Variants in TTLL11 observed in about 807,000 individuals in gnomAD.
The protein encoded by TTLL11 is tubulin tyrosine ligase like 11, also known as tubulin polyglutamylase TTLL11.
In TTLL11, 42 loss-of-function variants were observed where a neutral mutation model predicts 51.7. The ratio of observed to expected loss-of-function variants is 0.81; its 90% CI spans 0.64 to 1.05. The LOEUF (loss-of-function observed/expected upper bound fraction) is 1.05. TTLL11 is among the 50% of genes least tolerant of loss of function. The probability of loss-of-function intolerance (pLI) is 0.00; values close to 1 mark genes in which losing one functional copy is unlikely to be tolerated. For missense variants in TTLL11, 799 were observed against 940.4 expected, an observed-to-expected ratio of 0.85 and a Z score of 1.97; for synonymous variants, 381 against 383.5, an observed-to-expected ratio of 0.99 and a Z score of 0.08.
chr9:121,998,400 C>T (rs1230819021), intron 3 of TTLL11, among the ~76,000 whole-genome samples: 1 of 152,098 alleles, frequency 6.6e-6, no homozygotes, highest in Non-Finnish European at 1.5e-5. Flanking sequence ...GATTCTCGTG[C>T]CTCAGCCTCC....
intron 1 of TTLL11, among the ~76,000 whole-genome samples, chr9:122,044,572 C>G (rs1040697232): frequency 6.6e-6 from 1 of 152,138 alleles, no homozygotes; most frequent in Non-Finnish European, 1.5e-5. Context: ...GAGATGGTAT[C>G]GCATTGTGGT....
intron 6 of TTLL11, among the ~76,000 whole-genome samples, chr9:121,958,828 G>A (rs1842111209): frequency 1.3e-5 from 2 of 152,176 alleles, no homozygotes; most frequent in African/African-American, 4.8e-5. Context: ...CCCTGCACAG[G>A]TGTATGGGGA....
chr9:122,089,189 C>T (rs1339170262), intron 1 of TTLL11, among the ~76,000 whole-genome samples: 1 of 152,102 alleles, frequency 6.6e-6, no homozygotes, highest in East Asian at 1.9e-4. Context: ...GGTTGGTGTT[C>T]ATGACCTTAT....
intron 6 of TTLL11, among the ~76,000 whole-genome samples, chr9:121,886,167 G>A (rs144240611): frequency 0.021 from 3,239 of 152,244 alleles, 50 homozygotes; most frequent in Middle Eastern, 0.034. Flanking sequence ...GACCAGCCTG[G>A]GTTCCGTGCC....
chr9:121,849,986 A>G (rs1016442929), intron 8 of TTLL11, among the ~76,000 whole-genome samples: 1 of 152,222 alleles, frequency 6.6e-6, no homozygotes, highest in African/African-American at 2.4e-5. Context: ...TAGATTACTT[A>G]TAATACCTAA....
chr9:121,998,532 C>A (rs768314921), intron 3 of TTLL11, among the ~76,000 whole-genome samples: 1 of 151,652 alleles, frequency 6.6e-6, no homozygotes, highest in Non-Finnish European at 1.5e-5. Context: ...GTGATCCACC[C>A]GCCTCGACCT....
At chr9:121,825,013 G>A (rs1037313831) in intron 8 of TTLL11, among the ~76,000 whole-genome samples, 1 of 152,198 alleles carries the variant, frequency 6.6e-6, no homozygotes, top group African/African-American at 2.4e-5. Context: ...CTACAAGGGC[G>A]CTGCTCTGTT....
At chr9:121,879,997 AAAAG>A (rs1248656714) in intron 6 of TTLL11, among the ~76,000 whole-genome samples, 1 of 152,154 alleles carries the variant, frequency 6.6e-6, no homozygotes, top group Non-Finnish European at 1.5e-5. Flanking sequence ...AAAAGAAAGA[AAAAG>A]AAGAAAAAAA....
At chr9:121,968,536 T>C (rs62574005) in intron 6 of TTLL11, among the ~76,000 whole-genome samples, 2,204 of 152,336 alleles carry the variant, frequency 0.014, 28 homozygotes, top group Non-Finnish European at 0.025. Flanking sequence ...TTTTCTTTCA[T>C]GTCCAGTAGA....
Position 121,989,980 on chromosome 9 carries a change from G to A in TTLL11, c.694-210C>T, listed in dbSNP as rs936973293. Among the ~76,000 whole-genome samples the A allele has an allele frequency of 2.6e-5, 4 of 152,202 alleles. No individual in the cohort carries two copies. Among genetic ancestry groups the A allele is most frequent in the Admixed American group, 1.3e-4 (2 of 15,280 alleles). On this transcript the variant is annotated intron_variant, in intron 3 of 8. Coordinates refer to ENST00000321582, the MANE Select transcript of TTLL11 (RefSeq NM_001139442.2). This position sits in a 1 kb window ranked among gnomAD's most constrained non-coding sequence, Gnocchi z 4.2. The stretch of plus-strand genomic sequence containing the variant: ...TGTCCCCAGTCTTGTGCTCCAGAGC[G>A]AGGTGGAGAGTGTAGTGGACTGGCA...
chr9:121,971,746 G>GAAAAAAAAAAAAAAAAAAAAAAA (rs768215225), intron 6 of TTLL11, among the ~76,000 whole-genome samples: 2 of 97,878 alleles, frequency 2.0e-5, no homozygotes, highest in African/African-American at 7.4e-5. Context: ...TCTGCCTTGG[G>GAAAAAAAAAAAAAAAAAAAAAAA]AAAAAAAAAA....
At chr9:122,048,662 T>C (rs1442207233) in intron 1 of TTLL11, among the ~76,000 whole-genome samples, 1 of 152,214 alleles carries the variant, frequency 6.6e-6, no homozygotes, top group Non-Finnish European at 1.5e-5. Flanking sequence ...ACTGTCACTG[T>C]GACTAATTTC....
intron 1 of TTLL11, among the ~76,000 whole-genome samples, chr9:122,089,282 G>A (rs1488475463): frequency 6.6e-6 from 1 of 152,154 alleles, no homozygotes; most frequent in Non-Finnish European, 1.5e-5. Flanking sequence ...AGCATGGGCT[G>A]CAAGAGATAC....
chr9:121,994,301 A>G (rs1423249240), intron 3 of TTLL11, among the ~76,000 whole-genome samples: 4 of 152,322 alleles, frequency 2.6e-5, no homozygotes, highest in East Asian at 3.9e-4. Context: ...GCTGGAGAAC[A>G]TAAGAGGTGG....
Position 121,822,539 on chromosome 9 carries a change from C to T in TTLL11, c.*48G>A, listed in dbSNP as rs555251865. ...GGCAGAATGCCTGGGGCGCTCCAGCCCTGAAAGCTGCTCTCGTCTTCCGTT... is the reference window on the plus strand; with the variant it reads ...GGCAGAATGCCTGGGGCGCTCCAGCTCTGAAAGCTGCTCTCGTCTTCCGTT... On this transcript the variant is annotated 3_prime_UTR_variant, in exon 9 of 9. Coordinates refer to ENST00000321582, the MANE Select transcript of TTLL11 (RefSeq NM_001139442.2). The surrounding 1 kb of genome is among the most constrained non-coding windows in gnomAD (Gnocchi z 5.8). The T allele has an allele frequency of 7.7e-5, 109 of 1,421,018 alleles. No homozygotes were observed. The African/African-American group carries it at 1.5e-3, about 19-fold the overall frequency. 88.0% of individuals were successfully genotyped at this position (1,421,018 alleles called of 1,614,324 possible). A position where few individuals can be genotyped will look rare whatever the true frequency, so the allele number is the denominator to read the frequency against.
chr9:122,039,532 G>A (rs1033986199), intron 1 of TTLL11, among the ~76,000 whole-genome samples, 164 bp from the exon 2 acceptor site: 15 of 152,186 alleles, frequency 9.9e-5, no homozygotes, highest in African/African-American at 2.7e-4. Flanking sequence ...TACAGATGAG[G>A]AAACAGATTC....
rs34110747 is a variant in TTLL11 at position 122,056,621 on chromosome 9, T to TG, written c.463-17254dup. Among the ~76,000 whole-genome samples, 940 of 152,200 alleles carry TG rather than the reference T, an allele frequency of 6.2e-3. 4 individuals are homozygous for TG. The highest frequency in any genetic ancestry group is 0.01 in the Middle Eastern group (3 of 294). ...AACTGTCATAGAACTGCGGTGATGA[T>TG]GGGGTGTGTACTGAGTTCCTAGGCC... On this transcript the variant is annotated intron_variant, in intron 1 of 8. Coordinates refer to ENST00000321582, the MANE Select transcript of TTLL11 (RefSeq NM_001139442.2).
In TTLL11 at chr9:121,995,724, A is replaced by G. The variant is rs930247708; in HGVS notation, c.694-5954T>C. ...CTTTATAATATCCCGCAAGCCCTCT[A>G]CTGTTCATCGGAACCAGGCCAGGTT... On this transcript the variant is annotated intron_variant, in intron 3 of 8. Transcript: ENST00000321582. This position sits in a 1 kb window ranked among gnomAD's most constrained non-coding sequence, Gnocchi z 4.4. 6.6e-6 allele frequency among the ~76,000 whole-genome samples: 1 copy of G among 152,178 alleles called. No individual in the cohort carries two copies. Among genetic ancestry groups the G allele is most frequent in the African/African-American group, 2.4e-5 (1 of 41,434 alleles).
At chr9:122,049,164 C>T (rs1175592672) in intron 1 of TTLL11, among the ~76,000 whole-genome samples, 1 of 152,204 alleles carries the variant, frequency 6.6e-6, no homozygotes, top group Non-Finnish European at 1.5e-5. Flanking sequence ...AGCAGCCACT[C>T]AAATACATGT....
Sources: gnomAD v4.1 joint callset for allele counts (sites outside exome capture counted in the v4.1 genomes callset) on GRCh38, gnomAD v4.1.1 for gene constraint, Gnocchi (gnomAD v3.1) non-coding constraint, MANE v1.5 for transcripts, NCBI Gene and HGNC (gene_info 2026-07-23, HGNC 2026-07-21) for gene names.